Variants in NDUFAF2 observed in about 807,000 individuals in gnomAD.
NDUFAF2 encodes the protein NADH:ubiquinone oxidoreductase complex assembly factor 2.
In NDUFAF2, 13 loss-of-function variants were observed where a neutral mutation model predicts 22.8. The observed-to-expected ratio is 0.57, with a 90% CI of 0.37 to 0.91. The LOEUF (loss-of-function observed/expected upper bound fraction) is 0.91, where lower values mean the gene tolerates loss of function less well. NDUFAF2 is among the 40% of genes least tolerant of loss of function. The pLI is 0.01. For synonymous variants in NDUFAF2, 53 were observed against 64.2 expected, an observed-to-expected ratio of 0.83 and a Z score of 0.84; for missense variants, 162 against 195.2, an observed-to-expected ratio of 0.83 and a Z score of 1.01.
chr5:61,023,237 A>C (rs973588855), intron 1 of NDUFAF2, among the ~76,000 whole-genome samples: 28 of 151,094 alleles, frequency 1.9e-4, no homozygotes, highest in Admixed American at 3.3e-4. Context: ...TTTTTATTGA[A>C]TTTCTCTTTG....
intron 1 of NDUFAF2, among the ~76,000 whole-genome samples, chr5:61,039,000 C>T (rs1367972639): frequency 6.6e-6 from 1 of 151,728 alleles, no homozygotes; most frequent in African/African-American, 2.4e-5. Context: ...TTGCTAAATT[C>T]CTTGTTTAAA....
At chr5:61,130,830 G>C (rs571434994) in intron 3 of NDUFAF2, among the ~76,000 whole-genome samples, 1 of 152,208 alleles carries the variant, frequency 6.6e-6, no homozygotes, top group East Asian at 1.9e-4. Context: ...ATGGCCAAGG[G>C]AGTTTATGCT....
intron 3 of NDUFAF2, among the ~76,000 whole-genome samples, chr5:61,111,761 G>A (rs1195855748): frequency 6.6e-6 from 1 of 152,016 alleles, no homozygotes; most frequent in African/African-American, 2.4e-5. Flanking sequence ...TGGGACTACA[G>A]GCAGGTGCCA....
At chr5:61,074,616 C>T (rs1469359422) in intron 2 of NDUFAF2, among the ~76,000 whole-genome samples, 1 of 148,074 alleles carries the variant, frequency 6.8e-6, no homozygotes, top group Admixed American at 6.7e-5. Flanking sequence ...AAAAATTAGC[C>T]AGTCGTGGTG....
intron 3 of NDUFAF2, among the ~76,000 whole-genome samples, chr5:61,128,235 T>A (rs1257147495): frequency 5.3e-5 from 8 of 152,114 alleles, no homozygotes; most frequent in Non-Finnish European, 7.4e-5. Context: ...AGGTAATTTA[T>A]AGATTCAATG....
intron 1 of NDUFAF2, among the ~76,000 whole-genome samples, chr5:61,042,266 A>G (rs950567665): frequency 1.4e-4 from 22 of 152,160 alleles, no homozygotes; most frequent in African/African-American, 4.8e-4. Flanking sequence ...GACCAGTTCC[A>G]TAAATTATGG....
intron 3 of NDUFAF2, among the ~76,000 whole-genome samples, chr5:61,145,397 CAA>C (rs899358587): frequency 3.9e-5 from 6 of 152,092 alleles, no homozygotes; most frequent in African/African-American, 1.4e-4. Context: ...CCTTCACAAA[CAA>C]TGATAATTTA....
intron 1 of NDUFAF2, among the ~76,000 whole-genome samples, chr5:61,024,926 T>C (rs1297040831): frequency 1.3e-5 from 2 of 152,100 alleles, no homozygotes; most frequent in African/African-American, 4.8e-5. Flanking sequence ...CATGCTTCCA[T>C]GTGTTTAATT....
chr5:61,068,332 G>A (rs1752255359), intron 1 of NDUFAF2, among the ~76,000 whole-genome samples: 1 of 152,064 alleles, frequency 6.6e-6, no homozygotes, highest in Admixed American at 6.6e-5. Flanking sequence ...CAAAAGAAAT[G>A]TTATTAACAC....
intron 1 of NDUFAF2, among the ~76,000 whole-genome samples, chr5:61,057,706 A>G (rs778187479): frequency 6.6e-6 from 1 of 152,170 alleles, no homozygotes; most frequent in Non-Finnish European, 1.5e-5. Context: ...TTTTAAAGAC[A>G]ATAGTTTGAA....
chr5:61,007,533 C>CA (rs1241701571), intron 1 of NDUFAF2, among the ~76,000 whole-genome samples: 1 of 151,980 alleles, frequency 6.6e-6, no homozygotes, highest in African/African-American at 2.4e-5. Flanking sequence ...TTTATGCAGC[C>CA]AAAAAACATA....
intron 3 of NDUFAF2, among the ~76,000 whole-genome samples, chr5:61,140,264 T>C (rs1741031744): frequency 6.6e-6 from 1 of 152,248 alleles, no homozygotes; most frequent in African/African-American, 2.4e-5. Flanking sequence ...CTAAGACCTT[T>C]TTCCTATTGA....
intron 2 of NDUFAF2, among the ~76,000 whole-genome samples, chr5:61,097,171 C>A (rs759740905): frequency 6.6e-6 from 1 of 151,188 alleles, no homozygotes; most frequent in Non-Finnish European, 1.5e-5. Flanking sequence ...CAGTGCTGGG[C>A]TTTTTATGAA....
At chr5:61,028,566 GA>G (rs1387190773) in intron 1 of NDUFAF2, among the ~76,000 whole-genome samples, 4 of 151,944 alleles carry the variant, frequency 2.6e-5, no homozygotes, top group African/African-American at 9.7e-5. Context: ...CCATAGTATG[GA>G]TATACCACAG....
At chr5:61,003,260 A>C (rs748686652) in intron 1 of NDUFAF2, among the ~76,000 whole-genome samples, 31 of 152,128 alleles carry the variant, frequency 2.0e-4, no homozygotes, top group Non-Finnish European at 4.3e-4. Context: ...GTACTTTAGA[A>C]AACTGGCTAA....
Position 60,945,393 on chromosome 5 carries a change from G to T in NDUFAF2, c.127+11G>T, listed in dbSNP as rs181500190. 9 of 1,614,226 alleles carry T rather than the reference G, an allele frequency of 5.6e-6. No homozygotes were observed. The East Asian group carries it at 2.0e-4, about 36-fold the overall frequency. Reference sequence around the variant, plus strand: ...ACAAGAACTGGAGAGGTGAGGTGGCGGCGTGGGCAGCGATTGCGTGGTCAG... The same window carrying T: ...ACAAGAACTGGAGAGGTGAGGTGGCTGCGTGGGCAGCGATTGCGTGGTCAG... On this transcript the variant is annotated intron_variant, in intron 1 of 3. Transcript: ENST00000296597.
intron 1 of NDUFAF2, among the ~76,000 whole-genome samples, chr5:61,005,586 C>T (rs905530686): frequency 2.0e-5 from 3 of 152,212 alleles, no homozygotes; most frequent in African/African-American, 7.2e-5. Context: ...TCTCCACATC[C>T]TCTGCAGCAC....
intron 3 of NDUFAF2, among the ~76,000 whole-genome samples, chr5:61,117,565 A>G (rs1841504): frequency 0.077 from 11,711 of 152,116 alleles, 588 homozygotes; most frequent in African/African-American, 0.13. Context: ...TATGTTGCCT[A>G]GGTTTATCTG....
At chr5:61,007,281 A>G (rs1190561608) in intron 1 of NDUFAF2, among the ~76,000 whole-genome samples, 1 of 151,820 alleles carries the variant, frequency 6.6e-6, no homozygotes, top group African/African-American at 2.4e-5. Context: ...TCCATCTTGA[A>G]TTAATTTTTG....
Sources: gnomAD v4.1 joint callset for allele counts (sites outside exome capture counted in the v4.1 genomes callset) on GRCh38, gnomAD v4.1.1 for gene constraint, MANE v1.5 for transcripts, NCBI Gene and HGNC (gene_info 2026-07-23, HGNC 2026-07-21) for gene names.